USH2A: variants seen among roughly 807,000 people sequenced by gnomAD.
USH2A encodes the protein usherin, also known as Usher syndrome 2A (autosomal recessive, mild).
A neutral mutation model predicts 538.9 loss-of-function variants in USH2A; 443 were observed. The ratio of observed to expected loss-of-function variants is 0.82; its 90% CI spans 0.76 to 0.89. The LOEUF is 0.89. Among genes scored for constraint, USH2A ranks in the 40% least tolerant of loss-of-function variants. USH2A has a pLI of 0.00. For missense variants in USH2A, 6,633 were observed against 6,324.8 expected (o/e 1.05, Z -1.65); for synonymous variants, 2,413 against 2,273.5 (o/e 1.06, Z -1.75).
chr1:215,769,378 G>A (rs1415336309), intron 55 of USH2A, among the ~76,000 whole-genome samples: 1 of 152,154 alleles, frequency 6.6e-6, no homozygotes, highest in Non-Finnish European at 1.5e-5. Flanking sequence ...GGTTTGCTAA[G>A]GTTGATTAGA....
At chr1:216,392,707 T>A (rs1025245045) in intron 3 of USH2A, among the ~76,000 whole-genome samples, 1 of 152,098 alleles carries the variant, frequency 6.6e-6, no homozygotes, top group Non-Finnish European at 1.5e-5. Context: ...TTTAAAGATG[T>A]ACTATGGTTA....
intron 45 of USH2A, among the ~76,000 whole-genome samples, chr1:215,844,786 A>T (rs1239102983): frequency 6.6e-6 from 1 of 152,190 alleles, no homozygotes; most frequent in African/African-American, 2.4e-5. Flanking sequence ...TGCACCACTA[A>T]CACTTATCTA....
intron 37 of USH2A, among the ~76,000 whole-genome samples, chr1:215,936,558 T>G (rs1666503277): frequency 6.6e-6 from 1 of 152,074 alleles, no homozygotes; most frequent in South Asian, 2.1e-4. Flanking sequence ...TGAGATTATT[T>G]CTTTATCATA....
chr1:216,304,568 G>T (rs1051215872), intron 9 of USH2A, among the ~76,000 whole-genome samples: 1 of 151,854 alleles, frequency 6.6e-6, no homozygotes, highest in Middle Eastern at 3.4e-3. Flanking sequence ...AGTGGGTTTG[G>T]TTTTTGTTTC....
chr1:216,355,375 G>GAAAGAAAGAA (rs748251919), intron 4 of USH2A, among the ~76,000 whole-genome samples: 4 of 133,850 alleles, frequency 3.0e-5, no homozygotes, highest in Non-Finnish European at 3.3e-5. Context: ...AAGAAAGAAA[G>GAAAGAAAGAA]AAGGAAAGAA....
intron 47 of USH2A, among the ~76,000 whole-genome samples, chr1:215,826,607 T>C (rs965518513): frequency 1.3e-5 from 2 of 152,196 alleles, no homozygotes; most frequent in African/African-American, 4.8e-5. Context: ...TACTTGATCA[T>C]GAATCTTAAT....
intron 8 of USH2A, among the ~76,000 whole-genome samples, chr1:216,322,563 T>C (rs937411880): frequency 4.2e-5 from 6 of 141,498 alleles, no homozygotes; most frequent in African/African-American, 1.6e-4. Flanking sequence ...GCCATGATCA[T>C]GCCATTGCAT....
chr1:215,889,628 G>A (rs940343036), intron 40 of USH2A, among the ~76,000 whole-genome samples: 1 of 152,096 alleles, frequency 6.6e-6, no homozygotes, highest in African/African-American at 2.4e-5. Flanking sequence ...AGAAGCTGCC[G>A]ATTTAGCTCT....
At chr1:216,347,265 T>C (rs1018787730) in intron 4 of USH2A, among the ~76,000 whole-genome samples, 7 of 152,076 alleles carry the variant, frequency 4.6e-5, no homozygotes, top group African/African-American at 1.4e-4. Context: ...AAGAGACAGA[T>C]GGTTTGGAGA....
intron 58 of USH2A, among the ~76,000 whole-genome samples, chr1:215,753,081 C>A (rs1660674098): frequency 6.6e-6 from 1 of 152,178 alleles, no homozygotes; most frequent in Non-Finnish European, 1.5e-5. Flanking sequence ...CACTGGCCAT[C>A]AGAGAAATGC....
intron 49 of USH2A, among the ~76,000 whole-genome samples, chr1:215,801,226 C>G (rs1271401891): frequency 6.6e-6 from 1 of 151,808 alleles, no homozygotes; most frequent in African/African-American, 2.4e-5. Flanking sequence ...AAATCAGAAA[C>G]AAGAAAAGGT....
chr1:215,817,268 A>T (rs1662885500), intron 47 of USH2A, 73 bp from the exon 48 acceptor site: 7 of 1,309,216 alleles, frequency 5.3e-6, no homozygotes, highest in South Asian at 3.6e-5. Flanking sequence ...CTTAAGTAAA[A>T]AGTGGCAGCA....
At chr1:215,676,889 C>T (rs1658049153) in intron 62 of USH2A, among the ~76,000 whole-genome samples, 1 of 152,122 alleles carries the variant, frequency 6.6e-6, no homozygotes, top group Non-Finnish European at 1.5e-5. Flanking sequence ...TGTAGAAAAA[C>T]ACCCAAACAT....
chr1:215,659,800 G>C (rs1481372269), intron 64 of USH2A, among the ~76,000 whole-genome samples: 12 of 152,160 alleles, frequency 7.9e-5, no homozygotes, highest in Admixed American at 7.9e-4. Context: ...TTGTGCTCCT[G>C]ATAGAGGTGA....
intron 49 of USH2A, among the ~76,000 whole-genome samples, chr1:215,809,456 CAA>C (rs5780854): frequency 2.1e-5 from 3 of 143,472 alleles, no homozygotes; most frequent in Non-Finnish European, 4.6e-5. Flanking sequence ...GAAAAGTCTT[CAA>C]AAAAAAAAAG....
chr1:216,265,504 T>C (rs1372766972), intron 11 of USH2A, among the ~76,000 whole-genome samples: 2 of 152,022 alleles, frequency 1.3e-5, no homozygotes, highest in Non-Finnish European at 2.9e-5. Context: ...GGTACATATA[T>C]CCAGACGTTT....
In USH2A at chr1:216,360,783, A is replaced by G. The variant is rs570959802; in HGVS notation, c.784+4170T>C. On this transcript the variant is annotated intron_variant, in intron 4 of 71. Transcript: ENST00000307340. ...AAATAGGAGTGAGACCTCTATACAG[A>G]CAACTAAAAACATTGCTGGGAGAAA... Among the ~76,000 whole-genome samples the G allele has an allele frequency of 1.6e-4, 24 of 152,252 alleles. No homozygotes were observed. In the South Asian group the frequency reaches 5.0e-3, roughly 32 times the overall value.
At chr1:215,908,125 C>T (rs931440720) in intron 38 of USH2A, among the ~76,000 whole-genome samples, 2 of 127,528 alleles carry the variant, frequency 1.6e-5, no homozygotes, top group Non-Finnish European at 3.3e-5. Flanking sequence ...GATATAAAAA[C>T]TGAGTTTAGA....
At chr1:216,208,180 T>C (rs1235379655) in intron 15 of USH2A, among the ~76,000 whole-genome samples, 1 of 150,294 alleles carries the variant, frequency 6.7e-6, no homozygotes, top group Non-Finnish European at 1.5e-5. Flanking sequence ...TGAATTTTCT[T>C]TTTTTTCACC....
Sources: gnomAD v4.1 joint callset for allele counts (sites outside exome capture counted in the v4.1 genomes callset) on GRCh38, gnomAD v4.1.1 for gene constraint, MANE v1.5 for transcripts, NCBI Gene and HGNC (gene_info 2026-07-23, HGNC 2026-07-21) for gene names.